Variants in BST1 observed in about 807,000 individuals in gnomAD.
The protein encoded by BST1 is ADP-ribosyl cyclase/cyclic ADP-ribose hydrolase 2.
In BST1, 49 loss-of-function variants were observed where a neutral mutation model predicts 40.6. The observed-to-expected ratio is 1.21, with a 90% CI of 0.96 to 1.53. The LOEUF is 1.53. BST1 is among the 40% of genes most tolerant of loss of function. The probability of loss-of-function intolerance (pLI) is 0.00; values close to 1 mark genes in which losing one functional copy is unlikely to be tolerated. For synonymous variants in BST1, 157 were observed against 159.3 expected, an observed-to-expected ratio of 0.99 and a Z score of 0.11; for missense variants, 423 against 395.9, an observed-to-expected ratio of 1.07 and a Z score of -0.58.
At chr4:15,703,409 G>A in intron 1 of BST1, 77 bp downstream of exon 1, 1 of 1,455,786 alleles carries the variant, frequency 6.9e-7, no homozygotes, top group African/African-American at 1.5e-5. Context: ...GAAAACTGGC[G>A]CTAAAGTTCG....
chr4:15,746,752 C>T, the BST1 span, among the ~76,000 whole-genome samples: 1 of 152,196 alleles, frequency 6.6e-6, no homozygotes, highest in Non-Finnish European at 1.5e-5. Context: ...TTTACTTCAT[C>T]TTTCCTACTA....
At chr4:15,751,101 G>A in the BST1 span, among the ~76,000 whole-genome samples, 1 of 152,180 alleles carries the variant, frequency 6.6e-6, no homozygotes, top group African/African-American at 2.4e-5. Flanking sequence ...CAGAGTTCAT[G>A]CACTACAGAG....
intron 8 of BST1, among the ~76,000 whole-genome samples, chr4:15,725,556 A>T (rs183050758): frequency 6.6e-6 from 1 of 152,074 alleles, no homozygotes; most frequent in Admixed American, 6.5e-5. Context: ...AAAGTTACCT[A>T]CTACCAAGTT....
At chr4:15,714,995 C>G (rs1426843143) in intron 4 of BST1, among the ~76,000 whole-genome samples, 1 of 152,146 alleles carries the variant, frequency 6.6e-6, no homozygotes, top group Non-Finnish European at 1.5e-5. Context: ...AGGTTCTTTG[C>G]TAAGGGAGCA....
At chr4:15,734,496 T>G (rs1721491456), downstream of BST1, among the ~76,000 whole-genome samples, 1 of 152,068 alleles carries the variant, frequency 6.6e-6, no homozygotes, top group East Asian at 1.9e-4. Context: ...CGGGAAATCA[T>G]TCTCAAAATT....
rs529894205 is a variant in BST1, at chr4:15,712,628, C to T, written c.534+739C>T. On this transcript the variant is annotated intron_variant, in intron 4 of 8. Transcript: ENST00000265016. ...TCCATGTCTTTTTCAGTCCCATCTT[C>T]TACCCTAGATCCTCAGGTATCCACT... 2.0e-5 allele frequency among the ~76,000 whole-genome samples: 3 copies of T among 152,324 alleles called. No individual in the cohort carries two copies. In the South Asian group the frequency reaches 6.2e-4, roughly 32 times the overall value.
At chr4:15,765,233 C>T in the BST1 span, among the ~76,000 whole-genome samples, 1 of 152,066 alleles carries the variant, frequency 6.6e-6, no homozygotes, top group South Asian at 2.1e-4. Flanking sequence ...CAACTCCATC[C>T]TTCCAGTTGC....
intron 3 of BST1, among the ~76,000 whole-genome samples, chr4:15,707,917 A>T (rs528286885): frequency 4.6e-5 from 7 of 150,624 alleles, no homozygotes; most frequent in Admixed American, 4.6e-4. Flanking sequence ...ATACATATCT[A>T]TATCTATATA....
intron 8 of BST1, chr4:15,723,470 G>A (rs781572856): frequency 3.0e-5 from 22 of 737,380 alleles, no homozygotes; most frequent in African/African-American, 5.7e-5. Context: ...GGATGGTCTC[G>A]ATCTCCTGGC....
downstream of BST1, among the ~76,000 whole-genome samples, chr4:15,740,328 A>C (rs1721714002): frequency 1.3e-5 from 2 of 152,212 alleles, no homozygotes; most frequent in Non-Finnish European, 2.9e-5. Flanking sequence ...AAGTGCTAGG[A>C]TTATAGGCAT....
chr4:15,705,414 A>G (rs1028056493), intron 1 of BST1, 101 bp from the exon 2 acceptor site: 5 of 1,326,478 alleles, frequency 3.8e-6, no homozygotes, highest in Non-Finnish European at 5.2e-6. Context: ...TGCAGTTACT[A>G]TATGAAAAAT....
chr4:15,731,256 G>T (rs1006725427), intron 8 of BST1: 2 of 489,440 alleles, frequency 4.1e-6, no homozygotes, highest in South Asian at 2.1e-5. Flanking sequence ...GGACTGGGCC[G>T]AGGATTCGTG....
At chr4:15,713,491 TTCA>T (rs1336062317) in intron 4 of BST1, among the ~76,000 whole-genome samples, 1 of 152,042 alleles carries the variant, frequency 6.6e-6, no homozygotes, top group South Asian at 2.1e-4. Context: ...GCCAAATAGT[TTCA>T]TCTTTATGAC....
chr4:15,742,210 G>A (rs1721764887), downstream of BST1, among the ~76,000 whole-genome samples: 1 of 152,212 alleles, frequency 6.6e-6, no homozygotes, highest in South Asian at 2.1e-4. Context: ...GATCCTCAAT[G>A]TGGCAATGTT....
chr4:15,718,265 G>C (rs961684193), intron 6 of BST1, among the ~76,000 whole-genome samples: 5 of 151,764 alleles, frequency 3.3e-5, no homozygotes, highest in Non-Finnish European at 5.9e-5. Context: ...GTGTGTGTGT[G>C]TGTGTCTGTG....
rs1719649131 is a variant in BST1 at position 15,703,303 on chromosome 4, G to C, written c.159G>C (p.Glu53Asp). 1.3e-6 allele frequency: 2 copies of C among 1,528,876 alleles called. No homozygotes were observed. The highest frequency in any genetic ancestry group is 5.0e-5 in the East Asian group (2 of 39,774). The allele number at this position is 1,528,876 out of a possible 1,614,324, so 94.7% of individuals were successfully genotyped here. A position where few individuals can be genotyped will look rare whatever the true frequency, so the allele number is the denominator to read the frequency against. Residue 53 changes from glutamate to aspartate, a missense_variant, in exon 1 of 9, where the codon GAG (glutamate) becomes GAC (aspartate). Transcript: ENST00000265016. ...LRDIFLGRCA[E>D]YRALLSPEQR... The stretch of plus-strand genomic sequence containing the variant: ...ACATCTTCCTGGGCCGCTGCGCCGA[G>C]TACCGCGCACTGCTGAGTCCCGAGC...
chr4:15,719,740 C>G (rs1207237718), intron 7 of BST1, among the ~76,000 whole-genome samples: 1 of 152,164 alleles, frequency 6.6e-6, no homozygotes, highest in African/African-American at 2.4e-5. Context: ...CTTGATTATC[C>G]TGCTTCTCTG....
intron 3 of BST1, among the ~76,000 whole-genome samples, chr4:15,708,833 A>G (rs1350987222): frequency 6.6e-6 from 1 of 152,096 alleles, no homozygotes; most frequent in Non-Finnish European, 1.5e-5. Context: ...CTGAGGCGAG[A>G]TCATACCACT....
chr4:15,755,490 T>G, the BST1 span, among the ~76,000 whole-genome samples: 1 of 152,232 alleles, frequency 6.6e-6, no homozygotes, highest in Non-Finnish European at 1.5e-5. Context: ...ATTTATTATC[T>G]TTCATGTGGG....
Sources: gnomAD v4.1 joint callset for allele counts (sites outside exome capture counted in the v4.1 genomes callset) on GRCh38, gnomAD v4.1.1 for gene constraint, MANE v1.5 for transcripts, NCBI Gene and HGNC (gene_info 2026-07-23, HGNC 2026-07-21) for gene names.